The following ZC3H6 variants were observed in gnomAD, a reference collection of about 807,000 sequenced individuals.
ZC3H6 encodes zinc finger CCCH-type containing 6, also known as zinc finger CCCH domain-containing protein 6.
In ZC3H6, 40 loss-of-function variants were observed where a neutral mutation model predicts 107.7. That is an observed-to-expected ratio of 0.37 (90% CI 0.29 to 0.48). The LOEUF (loss-of-function observed/expected upper bound fraction) is 0.48, where lower values mean the gene tolerates loss of function less well. Among genes scored for constraint, ZC3H6 ranks in the 20% least tolerant of loss-of-function variants. ZC3H6 has a pLI of 0.98. For synonymous variants in ZC3H6, 493 were observed against 487.9 expected (o/e 1.01, Z -0.14); for missense variants, 1,267 against 1,410.4 (o/e 0.90, Z 1.63).
rs770500987 is a variant in ZC3H6 at position 112,309,886 on chromosome 2, G to A, written c.338G>A (p.Arg113His). Residue 113 changes from arginine to histidine, a missense_variant and splice_region_variant, in exon 4 of 12, where the codon CGT (arginine) becomes CAT (histidine). Coordinates refer to ENST00000409871, the MANE Select transcript of ZC3H6 (RefSeq NM_198581.3). Reference sequence around the variant, plus strand: ...TAATGATTGTCCATTTTCACTTAGCGTGGACATATATCAGGAAGCTACATA... The same window carrying A: ...TAATGATTGTCCATTTTCACTTAGCATGGACATATATCAGGAAGCTACATA... ...YRDYDIPFTQ[R>H]GHISGSYITS... 105 of 1,572,470 alleles carry A rather than the reference G, an allele frequency of 6.7e-5. No individual in the cohort carries two copies. The highest frequency in any genetic ancestry group is 6.0e-4 in the Admixed American group (32 of 53,442).
intron 2 of ZC3H6, 128 bp from the exon 3 acceptor site, chr2:112,303,101 A>G: frequency 8.4e-7 from 1 of 1,196,290 alleles, no homozygotes; most frequent in Non-Finnish European, 1.2e-6. Context: ...TTTCAGTAGT[A>G]CTTCAGAGTC....
rs367576433 is a variant in ZC3H6 at position 112,320,176 on chromosome 2, G to A, written c.977-1580G>A. ...TCAATCTCCCGACCTCAGGTGATCC[G>A]CCTGCCTCGGCCTCCCAAAGTGCTG... On this transcript the variant is annotated intron_variant, in intron 7 of 11. Transcript: ENST00000409871. Among the ~76,000 whole-genome samples the A allele has an allele frequency of 9.2e-5, 14 of 152,230 alleles. No individual in the cohort carries two copies. The South Asian group carries it at 2.5e-3, about 27-fold the overall frequency.
chr2:112,309,769 A>C, intron 3 of ZC3H6, 116 bp from the exon 4 acceptor site: 1 of 1,007,476 alleles, frequency 9.9e-7, no homozygotes, highest in East Asian at 2.6e-5. Flanking sequence ...GTCAGAACTA[A>C]TAACTGTCTT....
intron 1 of ZC3H6, 54 bp from the exon 2 acceptor site, chr2:112,299,795 T>G (rs1676332405): frequency 5.7e-6 from 7 of 1,234,936 alleles, no homozygotes; most frequent in Non-Finnish European, 7.3e-6. Context: ...TGAAAATCTT[T>G]CTGTAAGATT....
chr2:112,308,404 T>TTTTTTTTA (rs1553493701), intron 3 of ZC3H6, among the ~76,000 whole-genome samples: 3 of 138,274 alleles, frequency 2.2e-5, no homozygotes, highest in African/African-American at 5.5e-5. Flanking sequence ...TTTTATTTTA[T>TTTTTTTTA]TTTATTTATT....
At chr2:112,310,639 A>G (rs949329602) in intron 4 of ZC3H6, among the ~76,000 whole-genome samples, 5 of 152,238 alleles carry the variant, frequency 3.3e-5, no homozygotes, top group African/African-American at 1.2e-4. Flanking sequence ...TTTATCTGCA[A>G]TATTGAATTA....
In ZC3H6 at chr2:112,332,121, G is replaced by A. The variant is rs1233937120; in HGVS notation, c.3203G>A (p.Gly1068Glu). 4 of 1,613,924 alleles carry A rather than the reference G, an allele frequency of 2.5e-6. No homozygotes were observed. The East Asian group carries it at 8.9e-5, about 36-fold the overall frequency. The change falls in exon 12 of 12, where the codon GGA becomes GAA. Residue 1068 changes from glycine (G) to glutamate (E), a missense_variant. This residue lies in a region of ZC3H6 where 925 missense variants were observed against 1,025.7 expected (regional missense o/e 0.90). Transcript: ENST00000409871. The stretch of plus-strand genomic sequence containing the variant: ...TCAGAGCTAGCAACAGCTTCTTCAG[G>A]AGAAAACTCAAAGAACCAGAAAAAA... ...STSELATASS[G>E]ENSKNQKKSG...
chr2:112,275,672 A>G lies in ZC3H6; in HGVS notation c.-323A>G, dbSNP rs555335911. The G allele has an allele frequency of 5.5e-5, 23 of 414,786 alleles. No individual in the cohort carries two copies. The highest frequency in any genetic ancestry group is 9.4e-5 in the Non-Finnish European group (22 of 234,386). The allele number at this position is 414,786 out of a possible 1,614,324, so 25.7% of individuals were successfully genotyped here. ...AATCACCGTTACGGCCACTGTCCAA[A>G]TCCCCGCGTCGCTGCACGCCGCCCG... is the stretch of plus-strand genomic sequence containing the variant. On this transcript the variant is annotated 5_prime_UTR_variant, in exon 1 of 12. Transcript: ENST00000409871.
Position 112,337,068 on chromosome 2 carries a change from C to A in ZC3H6, c.*4580C>A, listed in dbSNP as rs1314177992. 1 of 152,130 alleles carries A rather than the reference C, an allele frequency of 6.6e-6. No individual in the cohort carries two copies. The highest frequency in any genetic ancestry group is 6.5e-5 in the Admixed American group (1 of 15,268). The allele number at this position is 152,130 out of a possible 1,614,324, so 9.4% of individuals were successfully genotyped here. A position where few individuals can be genotyped will look rare whatever the true frequency, so the allele number is the denominator to read the frequency against. On this transcript the variant is annotated 3_prime_UTR_variant, in exon 12 of 12. Coordinates refer to ENST00000409871, the MANE Select transcript of ZC3H6 (RefSeq NM_198581.3). ...GAAGAATGCACCTTATGGGTTATATCTCTTTTGGTAGACAGCCCACCTGCT... is the reference window on the plus strand; with the variant it reads ...GAAGAATGCACCTTATGGGTTATATATCTTTTGGTAGACAGCCCACCTGCT...
At chr2:112,317,904 G>A (rs1676730586) in intron 7 of ZC3H6, among the ~76,000 whole-genome samples, 1 of 152,010 alleles carries the variant, frequency 6.6e-6, no homozygotes, top group Non-Finnish European at 1.5e-5. Flanking sequence ...TGCTCACTAC[G>A]ACTTATGACT....
chr2:112,310,208 A>G (rs372661158), intron 4 of ZC3H6, 47 bp downstream of exon 4: 2 of 1,559,484 alleles, frequency 1.3e-6, no homozygotes. Context: ...AACCTTATTA[A>G]AACAGGCAGC....
At chr2:112,324,934 T>TGA (rs1254338592) in intron 10 of ZC3H6, 30 bp from the exon 11 acceptor site, 13 of 1,561,770 alleles carry the variant, frequency 8.3e-6, no homozygotes, top group South Asian at 1.2e-5. Flanking sequence ...GCTCACTCAA[T>TGA]GACTGTCTCT....
rs367787715 is a variant in ZC3H6, at chr2:112,331,615, T to C, written c.2697T>C (p.Asn899=). Residue 899 remains asparagine (N), a synonymous_variant, in exon 12 of 12, where the codon AAT becomes AAC. Transcript: ENST00000409871. ...AACCTGATCCAGTGTCTTCAATCAA[T>C]TTACCTCTGCCCCCACTTATAGCTG... ...LPKPDPVSSI[N]LPLPPLIADQ... The C allele has an allele frequency of 9.5e-5, 154 of 1,613,948 alleles. 1 individual carries two copies. Among genetic ancestry groups the C allele is most frequent in the East Asian group, 6.9e-4 (31 of 44,884 alleles).
intron 10 of ZC3H6, 58 bp from the exon 11 acceptor site, chr2:112,324,906 T>G: frequency 2.8e-6 from 4 of 1,448,612 alleles, no homozygotes; most frequent in South Asian, 2.5e-5. Context: ...TCATTTCTTA[T>G]GACTGGTGAA....
At chr2:112,323,172 A>G (rs1676837455) in intron 9 of ZC3H6, among the ~76,000 whole-genome samples, 1 of 152,100 alleles carries the variant, frequency 6.6e-6, no homozygotes, top group South Asian at 2.1e-4. Context: ...TGGATTTGGC[A>G]TTTTCACTTG....
chr2:112,300,057 T>C lies in ZC3H6; in HGVS notation c.213+28T>C. ...TAGTTAGAATCTACTTTTTATTCTTTTGATAAATGTTTATGAAATATAAAA... is the reference window on the plus strand; with the variant it reads ...TAGTTAGAATCTACTTTTTATTCTTCTGATAAATGTTTATGAAATATAAAA... On this transcript the variant is annotated intron_variant, in intron 2 of 11. Transcript: ENST00000409871. 3.1e-6 allele frequency: 4 copies of C among 1,300,746 alleles called. No homozygotes were observed. The South Asian group carries it at 8.5e-5, about 28-fold the overall frequency. The allele number at this position is 1,300,746 out of a possible 1,614,324, so 80.6% of individuals were successfully genotyped here.
intron 1 of ZC3H6, among the ~76,000 whole-genome samples, chr2:112,291,792 C>T (rs375323191): frequency 3.9e-5 from 6 of 152,142 alleles, no homozygotes; most frequent in Non-Finnish European, 7.4e-5. Context: ...GATCTTAGCT[C>T]ACTGCAACCT....
At chr2:112,310,205 T>C (rs2104712630) in intron 4 of ZC3H6, 44 bp downstream of exon 4, 2 of 1,564,938 alleles carry the variant, frequency 1.3e-6, no homozygotes, top group Middle Eastern at 1.7e-4. Flanking sequence ...GAGAACCTTA[T>C]TAAAACAGGC....
At chr2:112,303,392 A>G in intron 3 of ZC3H6, 41 bp downstream of exon 3, 1 of 1,503,686 alleles carries the variant, frequency 6.7e-7, no homozygotes, top group Non-Finnish European at 9.2e-7. Flanking sequence ...CATAGATAGC[A>G]TAAAATGTAC....
Sources: gnomAD v4.1 joint callset for allele counts (sites outside exome capture counted in the v4.1 genomes callset) on GRCh38, gnomAD v4.1.1 for gene constraint, gnomAD v4.1.1 regional missense constraint, MANE v1.5 for transcripts, NCBI Gene and HGNC (gene_info 2026-07-23, HGNC 2026-07-21) for gene names.